SIRT1: variants seen among roughly 807,000 people sequenced by gnomAD.
The protein encoded by SIRT1 is NAD-dependent protein deacetylase sirtuin-1.
Under a neutral mutation model 67.9 loss-of-function variants are expected in SIRT1, and 24 were observed. The observed-to-expected ratio is 0.35, with a 90% confidence interval of 0.26 to 0.50. SIRT1 has a LOEUF of 0.50. SIRT1 is among the 20% of genes least tolerant of loss of function. SIRT1 has a pLI of 0.98. For missense variants in SIRT1, 873 were observed against 937.2 expected (o/e 0.93, Z 0.89); for synonymous variants, 378 against 350.7 (o/e 1.08, Z -0.87).
At chr10:67,909,529 T>C in intron 7 of SIRT1, 87 bp downstream of exon 7, 2 of 1,110,406 alleles carry the variant, frequency 1.8e-6, no homozygotes, top group Non-Finnish European at 2.5e-6. Context: ...TAATCTTAAC[T>C]CTGCTTCTGT....
chr10:67,895,824 C>T (rs1842649577), intron 4 of SIRT1, among the ~76,000 whole-genome samples: 1 of 130,392 alleles, frequency 7.7e-6, no homozygotes, highest in Admixed American at 9.0e-5. Flanking sequence ...TCACTACAAC[C>T]TTCACCTCCC....
At chr10:67,892,753 T>C (rs1346129261) in intron 4 of SIRT1, among the ~76,000 whole-genome samples, 1 of 152,042 alleles carries the variant, frequency 6.6e-6, no homozygotes, top group African/African-American at 2.4e-5. Context: ...AGGCGCCCGC[T>C]ACCATGCCCA....
In SIRT1 at chr10:67,916,640, C is replaced by CTTTA; in HGVS notation, c.*48_*51dup. ...GGAATTGTTCCACCAGCATTAGGAA[C>CTTTA]TTTAGCATGTCAAAATGAATGTTTA... On this transcript the variant is annotated 3_prime_UTR_variant, in exon 9 of 9. Transcript: ENST00000212015. 1 of 1,476,262 alleles carries CTTTA rather than the reference C, an allele frequency of 6.8e-7. No individual in the cohort carries two copies. The highest frequency in any genetic ancestry group is 9.2e-7 in the Non-Finnish European group (1 of 1,086,158). The allele number at this position is 1,476,262 out of a possible 1,614,324, so 91.4% of individuals were successfully genotyped here. A position where few individuals can be genotyped will look rare whatever the true frequency, so the allele number is the denominator to read the frequency against.
rs199594782 is a variant in SIRT1, at chr10:67,918,048, A to G, written c.*1455A>G. Reference sequence around the variant, plus strand: ...CATTACTGCCAGAGAAAAAAATCGTATTGAATGGCCATTTCCCTACTTATA... The same window carrying G: ...CATTACTGCCAGAGAAAAAAATCGTGTTGAATGGCCATTTCCCTACTTATA... On this transcript the variant is annotated 3_prime_UTR_variant, in exon 9 of 9. Transcript: ENST00000212015. 4.6e-5 allele frequency: 7 copies of G among 152,782 alleles called. No individual in the cohort carries two copies. The South Asian group carries it at 1.2e-3, about 27-fold the overall frequency. The allele number at this position is 152,782 out of a possible 1,614,324, so 9.5% of individuals were successfully genotyped here. A position where few individuals can be genotyped will look rare whatever the true frequency, so the allele number is the denominator to read the frequency against.
Position 67,916,853 on chromosome 10 carries a change from CTTTCTT to C in SIRT1, c.*263_*268del, listed in dbSNP as rs550817042. 6 of 74,040 alleles carry C rather than the reference CTTTCTT, an allele frequency of 8.1e-5. No individual in the cohort carries two copies. The South Asian group carries it at 1.4e-3, about 17-fold the overall frequency. 4.6% of individuals were successfully genotyped at this position (74,040 alleles called of 1,614,324 possible). A position where few individuals can be genotyped will look rare whatever the true frequency, so the allele number is the denominator to read the frequency against. ...TCAATCAGCTGTTGGTCAAGACTAA[CTTTCTT>C]TTAAAGGTTCATTTGTATGATAAAT... On this transcript the variant is annotated 3_prime_UTR_variant, in exon 9 of 9. Coordinates refer to ENST00000212015, the MANE Select transcript of SIRT1 (RefSeq NM_012238.5).
Position 67,893,486 on chromosome 10 carries a change from G to A in SIRT1, c.942+1932G>A, listed in dbSNP as rs185805620. Reference sequence around the variant, plus strand: ...TTAGTGGCTTTTTCCCCACCTAATCGTTAGAAGTTGTGAATAGGGACTTCT... The same window carrying A: ...TTAGTGGCTTTTTCCCCACCTAATCATTAGAAGTTGTGAATAGGGACTTCT... On this transcript the variant is annotated intron_variant, in intron 4 of 8. Coordinates refer to ENST00000212015, the MANE Select transcript of SIRT1 (RefSeq NM_012238.5). 1.4e-3 allele frequency among the ~76,000 whole-genome samples: 210 copies of A among 151,232 alleles called. 1 individual carries two copies. Among genetic ancestry groups the A allele is most frequent in the African/African-American group, 4.9e-3 (202 of 41,168 alleles).
intron 8 of SIRT1, among the ~76,000 whole-genome samples, chr10:67,914,094 C>T (rs1483210784): frequency 1.0e-4 from 11 of 108,288 alleles, no homozygotes; most frequent in East Asian, 3.4e-4. Context: ...TTTTTTGTGA[C>T]GGAGTCTCAC....
In SIRT1 at chr10:67,904,123, G is replaced by GT. The variant is rs1262495636; in HGVS notation, c.943-2664dup. 8.8e-3 allele frequency among the ~76,000 whole-genome samples: 1,013 copies of GT among 115,246 alleles called. 16 individuals are homozygous for GT. The highest frequency in any genetic ancestry group is 0.022 in the Middle Eastern group (5 of 232). 75.6% of individuals were successfully genotyped at this position (115,246 alleles called of 152,430 possible). ...TATTTCAGATTTTTTAGTTTTTTTT[G>GT]TTTGTTTTTTTTTTTTTTTTTTTTA... On this transcript the variant is annotated intron_variant, in intron 4 of 8. Coordinates refer to ENST00000212015, the MANE Select transcript of SIRT1 (RefSeq NM_012238.5).
intron 8 of SIRT1, 99 bp downstream of exon 8, chr10:67,913,130 T>G: frequency 8.4e-7 from 1 of 1,190,086 alleles, no homozygotes. Flanking sequence ...GGTAGCTTTA[T>G]GTAGTTGATT....
In SIRT1 at chr10:67,913,245, TC is replaced by T. The variant is rs536595803; in HGVS notation, c.1915+215del. On this transcript the variant is annotated intron_variant, in intron 8 of 8. Coordinates refer to ENST00000212015, the MANE Select transcript of SIRT1 (RefSeq NM_012238.5). ...TTAATAGTGCTCTGTATGTTGTGTT[TC>T]TCTAGGGGATGGAAAAATAAGAATG... 2.8e-4 allele frequency among the ~76,000 whole-genome samples: 43 copies of T among 152,282 alleles called. 2 individuals carry two copies. In the South Asian group the frequency reaches 8.9e-3, roughly 32 times the overall value.
At chr10:67,898,638 A>G (rs1842695959) in intron 4 of SIRT1, among the ~76,000 whole-genome samples, 1 of 152,216 alleles carries the variant, frequency 6.6e-6, no homozygotes, top group Non-Finnish European at 1.5e-5. Context: ...CTATACGTTT[A>G]TAGTATTGTA....
intron 4 of SIRT1, among the ~76,000 whole-genome samples, chr10:67,903,919 T>G (rs1250687508): frequency 1.3e-5 from 2 of 150,010 alleles, no homozygotes; most frequent in Non-Finnish European, 2.9e-5. Flanking sequence ...CTTTAGGATA[T>G]TCAAACTGGG....
chr10:67,888,334 C>T (rs1842518525), intron 2 of SIRT1, among the ~76,000 whole-genome samples: 1 of 152,016 alleles, frequency 6.6e-6, no homozygotes, highest in Non-Finnish European at 1.5e-5. Flanking sequence ...TTTTCTCAAG[C>T]CTAGGGAGCT....
intron 8 of SIRT1, among the ~76,000 whole-genome samples, chr10:67,914,879 ATTTTTTT>A (rs11309410): frequency 8.3e-6 from 1 of 120,382 alleles, no homozygotes; most frequent in Non-Finnish European, 1.8e-5. Context: ...ATGCTCAGCT[ATTTTTTT>A]TTTTTTTTTT....
At chr10:67,893,480 C>T (rs1842605203) in intron 4 of SIRT1, among the ~76,000 whole-genome samples, 1 of 151,260 alleles carries the variant, frequency 6.6e-6, no homozygotes, top group African/African-American at 2.4e-5. Context: ...TTTTCCCCAC[C>T]TAATCGTTAG....
intron 7 of SIRT1, among the ~76,000 whole-genome samples, chr10:67,910,599 T>A (rs1048610519): frequency 6.6e-6 from 1 of 152,184 alleles, no homozygotes; most frequent in Non-Finnish European, 1.5e-5. Context: ...TAAATTCAAA[T>A]GTATAGTTTG....
At chr10:67,891,316 C>T in intron 3 of SIRT1, 86 bp from the exon 4 acceptor site, 1 of 1,238,560 alleles carries the variant, frequency 8.1e-7, no homozygotes, top group East Asian at 2.4e-5. Flanking sequence ...TTTCTCAACT[C>T]TTACCTAATT....
At chr10:67,888,296 C>T (rs867322019) in intron 2 of SIRT1, among the ~76,000 whole-genome samples, 3 of 152,104 alleles carry the variant, frequency 2.0e-5, no homozygotes, top group Middle Eastern at 3.2e-3. Context: ...TCTTTGGTGT[C>T]TGTAATTTAT....
At chr10:67,887,656 A>T in intron 2 of SIRT1, 123 bp downstream of exon 2, 1 of 571,586 alleles carries the variant, frequency 1.7e-6, no homozygotes, top group Non-Finnish European at 3.1e-6. Flanking sequence ...GGCTCACCGT[A>T]CCCTCCGCCT....
Sources: allele counts gnomAD v4.1 joint callset (sites outside exome capture counted in the v4.1 genomes callset), GRCh38; gene constraint gnomAD v4.1.1; transcripts MANE v1.5; gene names NCBI Gene and HGNC (gene_info 2026-07-23, HGNC 2026-07-21).